RBFOX1: variants seen among roughly 807,000 people sequenced by gnomAD.
RBFOX1 encodes RNA binding protein fox-1 homolog 1.
Under a neutral mutation model 57.7 loss-of-function variants are expected in RBFOX1, and 8 were observed. The observed-to-expected ratio is 0.14, with a 90% CI of 0.08 to 0.25. RBFOX1 has a LOEUF of 0.25. Among genes scored for constraint, RBFOX1 ranks in the 10% least tolerant of loss-of-function variants. The pLI is 1.00. For missense variants in RBFOX1, 611 were observed against 548.5 expected, an observed-to-expected ratio of 1.11 and a Z score of -1.14; for synonymous variants, 326 against 222.4, an observed-to-expected ratio of 1.47 and a Z score of -4.15.
chr16:5,468,194 A>C (rs1016544723), intron 2 of RBFOX1, among the ~76,000 whole-genome samples: 2 of 152,194 alleles, frequency 1.3e-5, no homozygotes, highest in Non-Finnish European at 2.9e-5. Context: ...GTTGAGGTGA[A>C]ATTCACATAG....
At chr16:6,712,883 GTTTTTTTTTTTTT>G (rs61328266) in intron 3 of RBFOX1, among the ~76,000 whole-genome samples, 1 of 83,018 alleles carries the variant, frequency 1.2e-5, no homozygotes, top group Non-Finnish European at 2.4e-5. Flanking sequence ...TCATGGGGGT[GTTTTTTTTTTTTT>G]TTTTTTTTTT....
intron 4 of RBFOX1, among the ~76,000 whole-genome samples, chr16:7,494,196 T>C (rs1196120630): frequency 6.6e-6 from 1 of 152,154 alleles, no homozygotes; most frequent in Non-Finnish European, 1.5e-5. Context: ...CAATTGCAAT[T>C]CTCGTTTTGA....
At chr16:5,856,915 C>A (rs550885751) in intron 3 of RBFOX1, among the ~76,000 whole-genome samples, 12 of 152,222 alleles carry the variant, frequency 7.9e-5, no homozygotes, top group African/African-American at 2.9e-4. Flanking sequence ...CCTGTGTTCA[C>A]TGGAGTAGCA....
chr16:6,135,029 T>G (rs777002807), intron 1 of RBFOX1, among the ~76,000 whole-genome samples: 3 of 152,016 alleles, frequency 2.0e-5, no homozygotes, highest in Admixed American at 6.6e-5. Context: ...CGGTGTATGA[T>G]GTTCCCCTTC....
intron 1 of RBFOX1, among the ~76,000 whole-genome samples, chr16:6,172,587 G>C (rs1001834018): frequency 6.6e-6 from 1 of 152,098 alleles, no homozygotes; most frequent in Non-Finnish European, 1.5e-5. Context: ...ATGTGATGCA[G>C]CCTCAGTGGT....
rs955583607 is a variant in RBFOX1, at chr16:6,483,964, G to T, written c.-64+166907G>T. 4 of 1,037,326 alleles carry T rather than the reference G, an allele frequency of 3.9e-6. No individual in the cohort carries two copies. In the East Asian group the frequency reaches 2.5e-4, roughly 64 times the overall value. 64.3% of individuals were successfully genotyped at this position (1,037,326 alleles called of 1,614,324 possible). A position where few individuals can be genotyped will look rare whatever the true frequency, so the allele number is the denominator to read the frequency against. On this transcript the variant is annotated intron_variant, in intron 2 of 15. Coordinates refer to ENST00000550418, the MANE Select transcript of RBFOX1 (RefSeq NM_018723.4). The stretch of plus-strand genomic sequence containing the variant: ...GGGGACCTCGGAGACTGTGCTCAGG[G>T]CTCGCCCTGGGTGCCCCGTGGTGGG...
intron 3 of RBFOX1, among the ~76,000 whole-genome samples, chr16:6,928,435 C>A (rs530652516): frequency 6.6e-6 from 1 of 152,152 alleles, no homozygotes; most frequent in Non-Finnish European, 1.5e-5. Flanking sequence ...GGTGAGCTGG[C>A]AGCCAAGAGC....
At chr16:7,049,821 A>C (rs2049363862) in intron 3 of RBFOX1, among the ~76,000 whole-genome samples, 2 of 152,222 alleles carry the variant, frequency 1.3e-5, no homozygotes, top group Non-Finnish European at 1.5e-5. Context: ...TCAAGAACCG[A>C]AACCTCACCA....
intron 3 of RBFOX1, among the ~76,000 whole-genome samples, chr16:6,762,369 A>G (rs2076727517): frequency 6.6e-6 from 1 of 152,176 alleles, no homozygotes; most frequent in Non-Finnish European, 1.5e-5. Flanking sequence ...AGCAACCCTT[A>G]CTAGTGCACT....
chr16:7,183,941 C>G (rs1223461112), intron 4 of RBFOX1, among the ~76,000 whole-genome samples: 3 of 152,062 alleles, frequency 2.0e-5, no homozygotes, highest in Non-Finnish European at 4.4e-5. Flanking sequence ...TAAAGAGAGG[C>G]TAAAATTTCA....
In RBFOX1 at chr16:6,581,646, G is replaced by C. The variant is rs2097538886; in HGVS notation, c.-63-72957G>C. On this transcript the variant is annotated intron_variant, in intron 2 of 15. Coordinates refer to ENST00000550418, the MANE Select transcript of RBFOX1 (RefSeq NM_018723.4). ...ATACTACATGAGCTTCTCAGAAACA[G>C]GTGATCTATTGATCCCCAAGCTGCT... Among the ~76,000 whole-genome samples, 3 of 152,290 alleles carry C rather than the reference G, an allele frequency of 2.0e-5. No homozygotes were observed. The South Asian group carries it at 6.2e-4, about 32-fold the overall frequency.
chr16:7,318,429 T>A (rs192401636), intron 4 of RBFOX1, among the ~76,000 whole-genome samples: 3 of 152,094 alleles, frequency 2.0e-5, no homozygotes, highest in Non-Finnish European at 4.4e-5. Flanking sequence ...TAGAATAGTT[T>A]CACACATAAG....
chr16:7,190,437 A>G (rs1225957075), intron 4 of RBFOX1, among the ~76,000 whole-genome samples: 3 of 152,176 alleles, frequency 2.0e-5, no homozygotes, highest in East Asian at 1.9e-4. Flanking sequence ...ACAAGCATTG[A>G]TGCTTCCAAC....
chr16:6,145,224 C>T (rs972155200), intron 1 of RBFOX1, among the ~76,000 whole-genome samples: 3 of 151,990 alleles, frequency 2.0e-5, no homozygotes, highest in Non-Finnish European at 2.9e-5. Context: ...GTGTGTTGTT[C>T]CCCTCTATGT....
At chr16:7,279,457 C>G (rs2095501132) in intron 4 of RBFOX1, among the ~76,000 whole-genome samples, 1 of 152,182 alleles carries the variant, frequency 6.6e-6, no homozygotes, top group Admixed American at 6.5e-5. Context: ...TTACTGAGTC[C>G]TCACCACACT....
At chr16:6,115,388 C>A (rs2096487265) in intron 1 of RBFOX1, among the ~76,000 whole-genome samples, 1 of 151,674 alleles carries the variant, frequency 6.6e-6, no homozygotes, top group African/African-American at 2.4e-5. Flanking sequence ...AAAAAGAGGT[C>A]TTTATTATTA....
intron 1 of RBFOX1, among the ~76,000 whole-genome samples, chr16:5,328,475 C>T (rs1186093488): frequency 6.6e-6 from 1 of 152,228 alleles, no homozygotes; most frequent in African/African-American, 2.4e-5. Flanking sequence ...TTTTGTTATG[C>T]TTGCCCTAGC....
intron 2 of RBFOX1, among the ~76,000 whole-genome samples, chr16:6,389,712 A>G (rs1439919507): frequency 6.6e-6 from 1 of 152,200 alleles, no homozygotes; most frequent in African/African-American, 2.4e-5. Flanking sequence ...CTCGTGCTCA[A>G]AAATTCAGCT....
intron 2 of RBFOX1, among the ~76,000 whole-genome samples, chr16:5,493,371 C>A (rs1339162709): frequency 6.6e-6 from 1 of 152,168 alleles, no homozygotes; most frequent in African/African-American, 2.4e-5. Context: ...TTGCCCTGAT[C>A]TTAATCTTTA....
Sources: gnomAD v4.1 joint callset for allele counts (sites outside exome capture counted in the v4.1 genomes callset) on GRCh38, gnomAD v4.1.1 for gene constraint, MANE v1.5 for transcripts, NCBI Gene and HGNC (gene_info 2026-07-23, HGNC 2026-07-21) for gene names.